Variants in SND1 observed in about 807,000 individuals in gnomAD.
SND1 encodes staphylococcal nuclease and tudor domain containing 1.
In SND1, 38 loss-of-function variants were observed where a neutral mutation model predicts 121.7. That is an observed-to-expected ratio of 0.31 (90% CI 0.24 to 0.41). SND1 has a LOEUF of 0.41. Ranked by LOEUF, SND1 falls within the 10% of genes least tolerant of loss-of-function variation. SND1 has a pLI of 1.00. For missense variants in SND1, 868 were observed against 1,184.6 expected (o/e 0.73, Z 3.92); for synonymous variants, 401 against 447.4 (o/e 0.90, Z 1.31).
rs77394909 is a variant in SND1 at position 127,886,686 on chromosome 7, T to A, written c.1344-1216T>A. Among the ~76,000 whole-genome samples, 10 of 152,214 alleles carry A rather than the reference T, an allele frequency of 6.6e-5. No homozygotes were observed. In the East Asian group the frequency reaches 1.9e-3, roughly 29 times the overall value. On this transcript the variant is annotated intron_variant, in intron 12 of 23. Coordinates refer to ENST00000354725, the MANE Select transcript of SND1 (RefSeq NM_014390.4). ...TGAAAATTTGTTTTTGCAGTTTGAT[T>A]GTTCATAACAAAGTTCCCTTTCCAG...
At chr7:127,807,708 T>G (rs1798261546) in intron 11 of SND1, 135 bp downstream of exon 11, 1 of 698,966 alleles carries the variant, frequency 1.4e-6, no homozygotes. Flanking sequence ...TACTTTGATA[T>G]GAAGAGAGGC....
intron 9 of SND1, among the ~76,000 whole-genome samples, chr7:127,710,112 A>C (rs940406706): frequency 3.3e-5 from 5 of 152,186 alleles, no homozygotes; most frequent in Non-Finnish European, 7.3e-5. Flanking sequence ...CACTGAAAAA[A>C]ATGGATTTTG....
intron 9 of SND1, among the ~76,000 whole-genome samples, chr7:127,709,815 G>A (rs563734890): frequency 6.8e-6 from 1 of 147,252 alleles, no homozygotes; most frequent in East Asian, 1.9e-4. Context: ...AATTGAGACT[G>A]TTTGGGTACA....
chr7:127,668,821 T>C (rs1055920540), intron 1 of SND1, among the ~76,000 whole-genome samples: 2 of 152,186 alleles, frequency 1.3e-5, no homozygotes, highest in African/African-American at 2.4e-5. Context: ...TGCCCTCACT[T>C]CTTTCTCCCC....
chr7:127,652,467 G>A lies in SND1; in HGVS notation c.78+16G>A. On this transcript the variant is annotated intron_variant, in intron 1 of 23. Transcript: ENST00000354725. ...CATCAAGATGGTGAGAACGGGCCCC[G>A]GACACCGACCCCTCTGCCTGCCTTC... 6.4e-7 allele frequency: 1 copy of A among 1,556,676 alleles called. No homozygotes were observed. Among genetic ancestry groups the A allele is most frequent in the Non-Finnish European group, 8.7e-7 (1 of 1,148,990 alleles).
chr7:127,908,429 A>T (rs565739407), intron 14 of SND1, among the ~76,000 whole-genome samples: 2 of 151,884 alleles, frequency 1.3e-5, no homozygotes, highest in South Asian at 4.2e-4. Flanking sequence ...AGAAAATTAC[A>T]TACTCCCAAG....
intron 10 of SND1, among the ~76,000 whole-genome samples, chr7:127,727,572 C>T (rs1796604011): frequency 6.6e-6 from 1 of 152,082 alleles, no homozygotes; most frequent in Admixed American, 6.5e-5. Context: ...TGATCTCCTG[C>T]TTGTTACTGG....
At chr7:127,958,082 GGGGCATGA>G (rs1348508951) in intron 15 of SND1, among the ~76,000 whole-genome samples, 3 of 152,164 alleles carry the variant, frequency 2.0e-5, no homozygotes, top group African/African-American at 7.2e-5. Flanking sequence ...TGAAGGCTAG[GGGGCATGA>G]GGATACAAAG....
intron 16 of SND1, among the ~76,000 whole-genome samples, chr7:128,063,647 A>G (rs1793267216): frequency 6.6e-6 from 1 of 152,242 alleles, no homozygotes. Context: ...AGGTGCCATT[A>G]ATAAATGCCC....
chr7:127,817,485 G>A (rs527833635), intron 11 of SND1, among the ~76,000 whole-genome samples: 20 of 152,070 alleles, frequency 1.3e-4, no homozygotes, highest in African/African-American at 4.3e-4. Context: ...ACCTGACCAC[G>A]TCACCAACTC....
chr7:127,853,267 C>T (rs1799207550), intron 12 of SND1, among the ~76,000 whole-genome samples: 1 of 152,118 alleles, frequency 6.6e-6, no homozygotes, highest in Non-Finnish European at 1.5e-5. Context: ...AATGCTGTGG[C>T]CACACGTCCA....
At chr7:128,008,514 A>G (rs1803038331) in intron 16 of SND1, among the ~76,000 whole-genome samples, 1 of 143,250 alleles carries the variant, frequency 7.0e-6, no homozygotes, top group East Asian at 2.0e-4. Context: ...TTTTGAATTG[A>G]GAGAGTTGTG....
chr7:128,011,960 G>A (rs943682667), intron 16 of SND1, among the ~76,000 whole-genome samples: 1 of 152,062 alleles, frequency 6.6e-6, no homozygotes, highest in African/African-American at 2.4e-5. Flanking sequence ...CCTATTTTCA[G>A]TATTTTGAAT....
chr7:127,833,484 C>T (rs1010452902), intron 11 of SND1, among the ~76,000 whole-genome samples: 1 of 151,908 alleles, frequency 6.6e-6, no homozygotes. Flanking sequence ...AGGCTGGTCT[C>T]GAACTCTTGA....
rs948843025 is a variant in SND1, at chr7:127,839,350, A to G, written c.1243-4974A>G. Reference sequence around the variant, plus strand: ...TAGTGGGTGGGATTATGTGGCGATTATGCCCCAAAGCCTTACGTAACAGCT... The same window carrying G: ...TAGTGGGTGGGATTATGTGGCGATTGTGCCCCAAAGCCTTACGTAACAGCT... On this transcript the variant is annotated intron_variant, in intron 11 of 23. Coordinates refer to ENST00000354725, the MANE Select transcript of SND1 (RefSeq NM_014390.4). Among the ~76,000 whole-genome samples the G allele has an allele frequency of 3.3e-5, 5 of 152,324 alleles. 1 individual carries two copies. The highest frequency in any genetic ancestry group is 3.3e-4 in the Admixed American group (5 of 15,292).
rs1793601405 is a variant in SND1 at position 128,081,493 on chromosome 7, T to C, written c.2102T>C (p.Val701Ala). Residue 701 changes from valine to alanine, a missense_variant, in exon 18 of 24, where the codon GTG becomes GCG. Val to Ala is a moderately conservative substitution (Grantham distance 64). This residue lies in a region of SND1 where 743 missense variants were observed against 1,071.3 expected (regional missense o/e 0.69). Coordinates refer to ENST00000354725, the MANE Select transcript of SND1 (RefSeq NM_014390.4). ...GACCTGCACTTCTACGTGCAGGATG[T>C]GGAGACCGGTGAGTGCTCAGGCCGC... ...TDDLHFYVQD[V>A]ETGTQLEKLM... 1 of 1,613,784 alleles carries C rather than the reference T, an allele frequency of 6.2e-7. No individual in the cohort carries two copies. Among genetic ancestry groups the C allele is most frequent in the African/African-American group, 1.3e-5 (1 of 74,942 alleles).
At chr7:127,999,203 T>C (rs1383145099) in intron 16 of SND1, 2 of 152,104 alleles carry the variant, frequency 1.3e-5, no homozygotes, top group African/African-American at 2.4e-5. Flanking sequence ...CACAAGAGAT[T>C]TGGCCTCCTT....
intron 15 of SND1, among the ~76,000 whole-genome samples, chr7:127,943,708 G>A (rs773649254): frequency 6.6e-6 from 1 of 152,174 alleles, no homozygotes; most frequent in South Asian, 2.1e-4. Flanking sequence ...GGCATTACCT[G>A]TGCAATCAGA....
At chr7:127,700,277 A>G (rs1264814101) in intron 4 of SND1, among the ~76,000 whole-genome samples, 1 of 152,184 alleles carries the variant, frequency 6.6e-6, no homozygotes, top group Non-Finnish European at 1.5e-5. Flanking sequence ...CTCTTACACT[A>G]CATTTCTTCA....
Sources: allele counts gnomAD v4.1 joint callset (sites outside exome capture counted in the v4.1 genomes callset), GRCh38; gene constraint gnomAD v4.1.1; regional missense constraint gnomAD v4.1.1; transcripts MANE v1.5; gene names NCBI Gene and HGNC (gene_info 2026-07-23, HGNC 2026-07-21).